The following PCDHA5 variants were observed in gnomAD, a reference collection of about 807,000 sequenced individuals.
The protein encoded by PCDHA5 is protocadherin alpha-5.
Under a neutral mutation model 61.6 loss-of-function variants are expected in PCDHA5, and 43 were observed. The ratio of observed to expected loss-of-function variants is 0.70; its 90% CI spans 0.55 to 0.90. The LOEUF (loss-of-function observed/expected upper bound fraction) is 0.90. PCDHA5 is among the 40% of genes least tolerant of loss of function. PCDHA5 has a pLI of 0.00. For synonymous variants in PCDHA5, 627 were observed against 543.9 expected (o/e 1.15, Z -2.13); for missense variants, 1,298 against 1,222.7 (o/e 1.06, Z -0.92).
intron 1 of PCDHA5, among the ~76,000 whole-genome samples, chr5:140,838,146 C>T (rs1775571297): frequency 2.0e-5 from 3 of 149,200 alleles, no homozygotes; most frequent in Non-Finnish European, 4.5e-5. Flanking sequence ...CAGAGTTTTA[C>T]TCTGTCGCCC....
chr5:140,903,955 A>G (rs536986744), intron 1 of PCDHA5, among the ~76,000 whole-genome samples: 1 of 152,308 alleles, frequency 6.6e-6, no homozygotes, highest in Non-Finnish European at 1.5e-5. Context: ...CTGGAAAATT[A>G]TTTGTTGATT....
At chr5:140,835,281 G>A (rs2150233250) in intron 1 of PCDHA5, 1 of 1,611,780 alleles carries the variant, frequency 6.2e-7, no homozygotes, top group East Asian at 2.2e-5. Flanking sequence ...CCCCTTAAGT[G>A]GGGCAATCAC....
intron 3 of PCDHA5, among the ~76,000 whole-genome samples, chr5:141,001,849 T>G (rs889682000): frequency 6.6e-6 from 1 of 151,820 alleles, no homozygotes; most frequent in Non-Finnish European, 1.5e-5. Context: ...GAGAGAGAGG[T>G]TGATTAAATT....
intron 1 of PCDHA5, chr5:140,861,740 T>C (rs1443034121): frequency 1.3e-5 from 2 of 159,082 alleles, no homozygotes; most frequent in Non-Finnish European, 2.7e-5. Flanking sequence ...TTACATACTG[T>C]GCCGCAATGA....
intron 3 of PCDHA5, among the ~76,000 whole-genome samples, chr5:140,992,421 A>C (rs1412648457): frequency 6.6e-6 from 1 of 152,164 alleles, no homozygotes; most frequent in African/African-American, 2.4e-5. Flanking sequence ...CAGGTCTAAG[A>C]ATATTGTTCC....
Position 140,856,457 on chromosome 5 carries a change from C to T in PCDHA5, c.2352+32330C>T, listed in dbSNP as rs1383276232. On this transcript the variant is annotated intron_variant, in intron 1 of 3. Coordinates refer to ENST00000529859, the MANE Select transcript of PCDHA5 (RefSeq NM_018908.3). ...CCCGCCCAGGTTCTCCGTAACAGAACAAAAGCTCTCAATACCTGAATCCAG... is the reference window on the plus strand; with the variant it reads ...CCCGCCCAGGTTCTCCGTAACAGAATAAAAGCTCTCAATACCTGAATCCAG... 12 of 1,598,330 alleles carry T rather than the reference C, an allele frequency of 7.5e-6. 1 individual carries two copies. The highest frequency in any genetic ancestry group is 1.0e-5 in the Non-Finnish European group (12 of 1,167,902).
intron 1 of PCDHA5, chr5:140,824,610 G>GTTTTTTTTTTTTTTTTTTTTTTTTT (rs782443702): frequency 3.2e-5 from 3 of 95,112 alleles, no homozygotes; most frequent in African/African-American, 9.7e-5. Context: ...GCTAATTAAA[G>GTTTTTTTTTTTTTTTTTTTTTTTTT]TTTTTTTTTT....
Position 140,873,523 on chromosome 5 carries a change from G to A in PCDHA5, c.2352+49396G>A, listed in dbSNP as rs1371984958. 2.0e-5 allele frequency among the ~76,000 whole-genome samples: 3 copies of A among 152,090 alleles called. No homozygotes were observed. In the East Asian group the frequency reaches 5.8e-4, roughly 29 times the overall value. ...GTCTTTTATACTTAATGCCAAGATTGCATTCTATGGTATAAAATTATAATT... is the reference window on the plus strand; with the variant it reads ...GTCTTTTATACTTAATGCCAAGATTACATTCTATGGTATAAAATTATAATT... On this transcript the variant is annotated intron_variant, in intron 1 of 3. Transcript: ENST00000529859.
chr5:141,000,776 G>A (rs1455881211), intron 3 of PCDHA5, among the ~76,000 whole-genome samples: 1 of 151,562 alleles, frequency 6.6e-6, no homozygotes, highest in Non-Finnish European at 1.5e-5. Context: ...GCATAGTGGC[G>A]CACACCTGTA....
Position 140,927,865 on chromosome 5 carries a change from A to G in PCDHA5, c.2353-51084A>G, listed in dbSNP as rs576160357. 6.8e-6 allele frequency: 11 copies of G among 1,614,110 alleles called. No homozygotes were observed. In the Admixed American group the frequency reaches 1.3e-4, roughly 20 times the overall value. On this transcript the variant is annotated intron_variant, in intron 1 of 3. Transcript: ENST00000529859. Reference sequence around the variant, plus strand: ...TGTCTTTGGTTTAGCTAGCACCGCTAAACTGCTGGTGGAGGTGACTGACGT... The same window carrying G: ...TGTCTTTGGTTTAGCTAGCACCGCTGAACTGCTGGTGGAGGTGACTGACGT...
At chr5:140,872,850 G>T (rs1439631581) in intron 1 of PCDHA5, among the ~76,000 whole-genome samples, 2 of 152,084 alleles carry the variant, frequency 1.3e-5, no homozygotes, top group African/African-American at 4.8e-5. Context: ...ATATATTAAT[G>T]TGAGTACCTA....
At chr5:140,988,468 A>G (rs1184589294) in intron 3 of PCDHA5, among the ~76,000 whole-genome samples, 1 of 152,186 alleles carries the variant, frequency 6.6e-6, no homozygotes, top group African/African-American at 2.4e-5. Flanking sequence ...GGGTGTGGGA[A>G]GGGGAATTAG....
intron 1 of PCDHA5, among the ~76,000 whole-genome samples, chr5:140,937,894 A>G (rs1554211868): frequency 6.6e-6 from 1 of 150,462 alleles, no homozygotes; most frequent in Non-Finnish European, 1.5e-5. Context: ...CCTGGGCGAC[A>G]GAGTGAGACT....
chr5:140,838,120 G>T (rs1045969296), intron 1 of PCDHA5, among the ~76,000 whole-genome samples: 1 of 146,176 alleles, frequency 6.8e-6, no homozygotes, highest in Non-Finnish European at 1.5e-5. Flanking sequence ...GTGTGTGTGT[G>T]TGTGTGTGTG....
chr5:140,834,243 A>T, intron 1 of PCDHA5: 1 of 838,028 alleles, frequency 1.2e-6, no homozygotes, highest in Non-Finnish European at 1.9e-6. Context: ...TCCTTTTCGC[A>T]CTGGAAAGAC....
In PCDHA5 at chr5:140,823,486, G is replaced by A; in HGVS notation, c.1711G>A (p.Gly571Ser). ...GGCGCTGCTGGTGCCTCGAGTGGGT[G>A]GCACCGGCGGCGCAGTGAGCGAGCT... ...APALLVPRVG[G>S]TGGAVSELVP... The change falls in exon 1 of 4, where the codon GGC (glycine) becomes AGC (serine). Residue 571 changes from glycine (G) to serine (S), a missense_variant. Gly to Ser is a moderately conservative substitution (Grantham distance 56, BLOSUM62 0). Coordinates refer to ENST00000529859, the MANE Select transcript of PCDHA5 (RefSeq NM_018908.3). The A allele has an allele frequency of 6.2e-7, 1 of 1,613,254 alleles. No homozygotes were observed. Among genetic ancestry groups the A allele is most frequent in the Non-Finnish European group, 8.5e-7 (1 of 1,179,692 alleles).
chr5:141,009,563 C>A, intron 3 of PCDHA5, 64 bp from the exon 4 acceptor site: 1 of 1,571,920 alleles, frequency 6.4e-7, no homozygotes, highest in Non-Finnish European at 8.6e-7. Flanking sequence ...TGTACTCTAC[C>A]AGCAGTGTGG....
In PCDHA5 at chr5:140,857,497, G is replaced by A. The variant is rs1473016176; in HGVS notation, c.2352+33370G>A. On this transcript the variant is annotated intron_variant, in intron 1 of 3. Coordinates refer to ENST00000529859, the MANE Select transcript of PCDHA5 (RefSeq NM_018908.3). ...CGGTGTCTGCGTGGGACGCGGACGCGCAGGAGAACGCCCTGGTGTCCTACT... is the reference window on the plus strand; with the variant it reads ...CGGTGTCTGCGTGGGACGCGGACGCACAGGAGAACGCCCTGGTGTCCTACT... 10 of 1,598,262 alleles carry A rather than the reference G, an allele frequency of 6.3e-6. 1 individual carries two copies. Among genetic ancestry groups the A allele is most frequent in the Non-Finnish European group, 8.6e-6 (10 of 1,167,792 alleles).
intron 1 of PCDHA5, chr5:140,858,613 T>A (rs953930839): frequency 8.3e-7 from 1 of 1,208,634 alleles, no homozygotes; most frequent in Non-Finnish European, 1.1e-6. Context: ...AATTTTTTTA[T>A]CCTACCCAGT....
Sources: gnomAD v4.1 joint callset for allele counts (sites outside exome capture counted in the v4.1 genomes callset) on GRCh38, gnomAD v4.1.1 for gene constraint, MANE v1.5 for transcripts, NCBI Gene and HGNC (gene_info 2026-07-23, HGNC 2026-07-21) for gene names.